KDM4C: variants seen among roughly 807,000 people sequenced by gnomAD.
KDM4C encodes lysine-specific demethylase 4C.
In KDM4C, 81 loss-of-function variants were observed where a neutral mutation model predicts 129.3. The observed-to-expected ratio is 0.63, with a 90% CI of 0.52 to 0.75. The LOEUF (loss-of-function observed/expected upper bound fraction) is 0.75. Among genes scored for constraint, KDM4C ranks in the 30% least tolerant of loss-of-function variants. KDM4C has a pLI of 0.00. For missense variants in KDM4C, 1,457 were observed against 1,304.0 expected, an observed-to-expected ratio of 1.12 and a Z score of -1.81; for synonymous variants, 573 against 456.1, an observed-to-expected ratio of 1.26 and a Z score of -3.26.
rs1185761186 is a variant in KDM4C, at chr9:6,965,614, A to G, written c.922-15311A>G. Among the ~76,000 whole-genome samples, 4 of 152,248 alleles carry G rather than the reference A, an allele frequency of 2.6e-5. No homozygotes were observed. In the East Asian group the frequency reaches 7.7e-4, roughly 29 times the overall value. ...TGTACTTTTCTGTCTGAGAGCTGGC[A>G]TTCTTGAGACCCAAGCAAAACCTGT... is the stretch of plus-strand genomic sequence containing the variant. On this transcript the variant is annotated intron_variant, in intron 8 of 21. Coordinates refer to ENST00000381309, the MANE Select transcript of KDM4C (RefSeq NM_015061.6).
chr9:6,838,797 CATT>C (rs1338361063), intron 4 of KDM4C, among the ~76,000 whole-genome samples: 1 of 152,172 alleles, frequency 6.6e-6, no homozygotes, highest in Non-Finnish European at 1.5e-5. Flanking sequence ...TCATGTCAAA[CATT>C]ATGATTAACT....
chr9:6,729,538 G>A (rs1450922369), intron 1 of KDM4C, among the ~76,000 whole-genome samples: 2 of 133,240 alleles, frequency 1.5e-5, no homozygotes. Flanking sequence ...CAGAGACCCT[G>A]TCTCAAAAAC....
At chr9:7,093,836 G>GA (rs1280438220) in intron 17 of KDM4C, among the ~76,000 whole-genome samples, 6 of 152,200 alleles carry the variant, frequency 3.9e-5, no homozygotes, top group African/African-American at 1.4e-4. Flanking sequence ...TCTGAAGGTA[G>GA]AGGGGAGGGA....
At chr9:6,734,732 C>T in intron 1 of KDM4C, 1 of 321,724 alleles carries the variant, frequency 3.1e-6, no homozygotes, top group Admixed American at 4.1e-5. Context: ...TTTCTGTGTC[C>T]TGAGGATGTG....
intron 14 of KDM4C, 90 bp downstream of exon 14, chr9:7,014,091 T>C: frequency 1.0e-6 from 1 of 953,330 alleles, no homozygotes; most frequent in Non-Finnish European, 1.6e-6. Flanking sequence ...TCAGATCTGT[T>C]GCATGGACTA....
At chr9:7,080,880 C>T (rs1052339755) in intron 17 of KDM4C, among the ~76,000 whole-genome samples, 1 of 152,106 alleles carries the variant, frequency 6.6e-6, no homozygotes. Context: ...GTTCACTGAC[C>T]ACTAGTTTAT....
At chr9:7,078,015 G>A (rs766756683) in intron 17 of KDM4C, among the ~76,000 whole-genome samples, 3 of 152,056 alleles carry the variant, frequency 2.0e-5, no homozygotes, top group African/African-American at 7.2e-5. Context: ...TTTAATTAAT[G>A]TTTCTAATAT....
chr9:6,953,390 G>C (rs934704949), intron 8 of KDM4C, among the ~76,000 whole-genome samples: 3 of 152,156 alleles, frequency 2.0e-5, no homozygotes, highest in Non-Finnish European at 4.4e-5. Flanking sequence ...CCTATGGTTT[G>C]AATTAACTTG....
chr9:6,842,578 C>T (rs1008758905), intron 4 of KDM4C, among the ~76,000 whole-genome samples: 21 of 152,038 alleles, frequency 1.4e-4, no homozygotes, highest in African/African-American at 4.6e-4. Flanking sequence ...CCAGGTGATC[C>T]GTCTGCCTTG....
chr9:6,765,970 G>A (rs982596240), intron 1 of KDM4C, among the ~76,000 whole-genome samples: 35 of 152,034 alleles, frequency 2.3e-4, no homozygotes, highest in Admixed American at 1.6e-3. Context: ...TGTGCTTTTA[G>A]TAGAGATGGG....
intron 8 of KDM4C, among the ~76,000 whole-genome samples, chr9:6,943,260 C>G (rs1003590075): frequency 6.6e-6 from 1 of 152,098 alleles, no homozygotes; most frequent in Admixed American, 6.5e-5. Flanking sequence ...TTCCTGTTAA[C>G]TACAAAAATA....
chr9:7,069,276 T>C (rs1832877912), intron 17 of KDM4C, among the ~76,000 whole-genome samples: 1 of 152,230 alleles, frequency 6.6e-6, no homozygotes, highest in Non-Finnish European at 1.5e-5. Context: ...ATAAATGATA[T>C]TAGGGTTGTT....
At chr9:6,784,447 G>T (rs1825035370) in intron 1 of KDM4C, among the ~76,000 whole-genome samples, 2 of 152,102 alleles carry the variant, frequency 1.3e-5, no homozygotes, top group Non-Finnish European at 2.9e-5. Flanking sequence ...GGCCAGGCTC[G>T]TTGTGAACTC....
intron 8 of KDM4C, among the ~76,000 whole-genome samples, chr9:6,951,157 TTATCA>T (rs1339592008): frequency 6.6e-6 from 1 of 152,210 alleles, no homozygotes; most frequent in Non-Finnish European, 1.5e-5. Flanking sequence ...TCTCAAACAC[TTATCA>T]TTTCTTGGTG....
chr9:6,912,819 A>G (rs973348931), intron 8 of KDM4C, among the ~76,000 whole-genome samples: 1 of 152,148 alleles, frequency 6.6e-6, no homozygotes, highest in African/African-American at 2.4e-5. Flanking sequence ...ATGTGTTACC[A>G]TGTGTGTTTT....
chr9:6,956,117 G>A (rs889701510), intron 8 of KDM4C, among the ~76,000 whole-genome samples: 2 of 152,148 alleles, frequency 1.3e-5, no homozygotes, highest in African/African-American at 4.8e-5. Context: ...AGTTGGGGGT[G>A]GTGATGGGGA....
intron 1 of KDM4C, among the ~76,000 whole-genome samples, chr9:6,741,508 T>C (rs1817694954): frequency 6.6e-6 from 1 of 152,214 alleles, no homozygotes; most frequent in Non-Finnish European, 1.5e-5. Flanking sequence ...TCATTTCTTA[T>C]GTTCCTAGCT....
intron 19 of KDM4C, among the ~76,000 whole-genome samples, chr9:7,140,709 C>T (rs1472009743): frequency 6.6e-6 from 1 of 152,200 alleles, no homozygotes; most frequent in African/African-American, 2.4e-5. Context: ...ACATGCCACC[C>T]ATCATGCTGG....
intron 15 of KDM4C, among the ~76,000 whole-genome samples, chr9:7,021,841 A>C (rs1176082795): frequency 6.6e-6 from 1 of 152,188 alleles, no homozygotes; most frequent in Non-Finnish European, 1.5e-5. Flanking sequence ...ATATGGGAAG[A>C]GATAGGGGTC....
Sources: gnomAD v4.1 joint callset for allele counts (sites outside exome capture counted in the v4.1 genomes callset) on GRCh38, gnomAD v4.1.1 for gene constraint, MANE v1.5 for transcripts, NCBI Gene and HGNC (gene_info 2026-07-23, HGNC 2026-07-21) for gene names.